Variants in CAST observed in about 807,000 individuals in gnomAD.
CAST encodes calpastatin.
Under a neutral mutation model 119.6 loss-of-function variants are expected in CAST, and 76 were observed. The ratio of observed to expected loss-of-function variants is 0.64; its 90% confidence interval spans 0.53 to 0.77. The LOEUF (loss-of-function observed/expected upper bound fraction) is 0.77. Ranked by LOEUF, CAST falls within the 30% of genes least tolerant of loss-of-function variation. The pLI, the probability that CAST is intolerant of heterozygous loss-of-function variation, is 0.00. For missense variants in CAST, 953 were observed against 946.5 expected (o/e 1.01, Z -0.09); for synonymous variants, 319 against 331.6 (o/e 0.96, Z 0.41).
the CAST span, among the ~76,000 whole-genome samples, chr5:96,442,887 CTTT>C: frequency 6.6e-6 from 1 of 152,186 alleles, no homozygotes; most frequent in Non-Finnish European, 1.5e-5. Context: ...CTTCTTCCTT[CTTT>C]ATTATTGTCA....
At chr5:96,548,112 C>A (rs1233259847) in intron 1 of CAST, among the ~76,000 whole-genome samples, 2 of 152,176 alleles carry the variant, frequency 1.3e-5, no homozygotes, top group Non-Finnish European at 1.5e-5. Context: ...GAGTGAGTAT[C>A]CAAGTAATCT....
At chr5:96,608,965 A>G (rs1388253990) in intron 1 of CAST, among the ~76,000 whole-genome samples, 1 of 152,190 alleles carries the variant, frequency 6.6e-6, no homozygotes, top group East Asian at 1.9e-4. Flanking sequence ...CTCTCCTCCA[A>G]CACCGGGGAT....
At chr5:96,364,549 T>G in the CAST span, among the ~76,000 whole-genome samples, 9 of 152,232 alleles carry the variant, frequency 5.9e-5, no homozygotes, top group Non-Finnish European at 8.8e-5. Flanking sequence ...GGTTTAGTCT[T>G]GGGAGGATGT....
chr5:96,640,656 T>C (rs923258031), intron 1 of CAST, among the ~76,000 whole-genome samples: 2 of 152,200 alleles, frequency 1.3e-5, no homozygotes, highest in African/African-American at 4.8e-5. Context: ...GCAGATCTGC[T>C]AGATGCCTCA....
the CAST span, among the ~76,000 whole-genome samples, chr5:96,197,405 G>A: frequency 4.9e-4 from 74 of 152,200 alleles, no homozygotes; most frequent in Middle Eastern, 3.4e-3. Context: ...TATTTTTGTT[G>A]TAGAGGAATA....
chr5:96,132,128 T>C, the CAST span, among the ~76,000 whole-genome samples: 2 of 152,146 alleles, frequency 1.3e-5, no homozygotes, highest in Admixed American at 6.6e-5. Flanking sequence ...GCTATACTTA[T>C]AATCAAACAC....
intron 1 of CAST, among the ~76,000 whole-genome samples, chr5:96,583,800 T>TCTTTTTG (rs1169067615): frequency 2.0e-5 from 3 of 152,192 alleles, no homozygotes; most frequent in Admixed American, 6.5e-5. Context: ...ATTTGTATTG[T>TCTTTTTG]TACTTGATTT....
the CAST span, among the ~76,000 whole-genome samples, chr5:96,047,081 T>C: frequency 9.0e-3 from 1,368 of 152,278 alleles, 14 homozygotes; most frequent in Non-Finnish European, 0.013. Context: ...ATAAGACTTT[T>C]AAAAAATATA....
the CAST span, among the ~76,000 whole-genome samples, chr5:96,146,864 G>A: frequency 1.3e-5 from 2 of 152,182 alleles, no homozygotes. Flanking sequence ...TGAGGCAGGG[G>A]AAGAAAAGGG....
the CAST span, among the ~76,000 whole-genome samples, chr5:96,303,682 T>C: frequency 2.3e-4 from 35 of 152,116 alleles, no homozygotes; most frequent in African/African-American, 7.7e-4. Flanking sequence ...CTCCCATTTA[T>C]GAGTGAGAAC....
intron 1 of CAST, 73 bp downstream of exon 1, chr5:96,662,570 C>T: frequency 7.6e-7 from 1 of 1,309,272 alleles, no homozygotes; most frequent in Non-Finnish European, 9.7e-7. Flanking sequence ...GGCCGCCCTC[C>T]CTGGGCGTTG....
chr5:96,376,900 G>C, the CAST span, among the ~76,000 whole-genome samples: 6 of 152,106 alleles, frequency 3.9e-5, no homozygotes, highest in Non-Finnish European at 7.3e-5. Flanking sequence ...TCCCCATAAA[G>C]CCCTTCCAGT....
chr5:95,995,330 G>A, the CAST span, among the ~76,000 whole-genome samples: 2 of 152,072 alleles, frequency 1.3e-5, no homozygotes, highest in African/African-American at 4.8e-5. Flanking sequence ...AAATAGCTTT[G>A]TCCTGAGAAA....
rs746854169 is a variant in CAST, at chr5:96,774,373, C to T, written c.*1757C>T. 5.8e-5 allele frequency: 19 copies of T among 325,048 alleles called. No homozygotes were observed. The highest frequency in any genetic ancestry group is 8.5e-5 in the Non-Finnish European group (19 of 224,754). 20.1% of individuals were successfully genotyped at this position (325,048 alleles called of 1,614,324 possible). On this transcript the variant is annotated 3_prime_UTR_variant, in exon 32 of 32. Transcript: ENST00000675179. The stretch of plus-strand genomic sequence containing the variant: ...TGCCTTCTTTTTTAATTAGAAATAT[C>T]TTCGAGACTTGGGTGTTTGTTAATA...
chr5:96,071,731 T>C, the CAST span, among the ~76,000 whole-genome samples: 1 of 152,182 alleles, frequency 6.6e-6, no homozygotes, highest in African/African-American at 2.4e-5. Flanking sequence ...TTTTTCCTTA[T>C]CTGCTAGTTT....
At chr5:96,523,103 G>C (rs553328564), upstream of CAST, among the ~76,000 whole-genome samples, 1 of 152,244 alleles carries the variant, frequency 6.6e-6, no homozygotes, top group Non-Finnish European at 1.5e-5. Flanking sequence ...CACCTGTAGT[G>C]CTCCCAGTGC....
At chr5:96,504,998 C>T in the CAST span, among the ~76,000 whole-genome samples, 9 of 152,052 alleles carry the variant, frequency 5.9e-5, no homozygotes, top group Admixed American at 5.2e-4. Flanking sequence ...TTTGTTTATG[C>T]GTTCACCAGT....
the CAST span, among the ~76,000 whole-genome samples, chr5:96,328,795 T>C: frequency 6.6e-6 from 1 of 152,190 alleles, no homozygotes; most frequent in African/African-American, 2.4e-5. Flanking sequence ...CCCTTTCTCA[T>C]TGTGGAAAAG....
the CAST span, among the ~76,000 whole-genome samples, chr5:96,503,786 C>A: frequency 6.6e-6 from 1 of 152,220 alleles, no homozygotes; most frequent in Non-Finnish European, 1.5e-5. Context: ...ATGCTTTTAT[C>A]CCACCTTTCC....
Sources: gnomAD v4.1 joint callset for allele counts (sites outside exome capture counted in the v4.1 genomes callset) on GRCh38, gnomAD v4.1.1 for gene constraint, MANE v1.5 for transcripts, NCBI Gene and HGNC (gene_info 2026-07-23, HGNC 2026-07-21) for gene names.